Variants in PRAMEF10 observed in about 807,000 individuals in gnomAD.
PRAMEF10 encodes the protein PRAME family member 10.
In PRAMEF10, 4 loss-of-function variants were observed where a neutral mutation model predicts 27.7. The ratio of observed to expected loss-of-function variants is 0.14; its 90% CI spans 0.07 to 0.33. The LOEUF is 0.33. PRAMEF10 is among the 10% of genes least tolerant of loss of function. The probability of loss-of-function intolerance (pLI) is 1.00; values close to 1 mark genes in which losing one functional copy is unlikely to be tolerated. For missense variants in PRAMEF10, 99 were observed against 453.9 expected (o/e 0.22, Z 7.10); for synonymous variants, 46 against 176.0 (o/e 0.26, Z 5.85).
chr1:12,893,213 A>G lies in PRAMEF10; in HGVS notation c.1128T>C (p.Cys376=), dbSNP rs375424427. The change falls in exon 4 of 4, where the codon TGT becomes TGC. Residue 376 remains cysteine, a synonymous_variant. Coordinates refer to ENST00000235347, the MANE Select transcript of PRAMEF10 (RefSeq NM_001039361.4). ...GAAAGTTGAAGGTGGTGAGCTGGGA[A>G]CAGTGGCTCAGGGCAGGCAGGAGGA... ...LRVLLPALSH[C]SQLTTFNFHG... is the part of the protein sequence containing the mutation. 0.067 allele frequency: 100,957 copies of G among 1,502,916 alleles called. 407 individuals carry two copies. Among genetic ancestry groups the G allele is most frequent in the Middle Eastern group, 0.12 (469 of 3,992 alleles). The allele number at this position is 1,502,916 out of a possible 1,614,324, so 93.1% of individuals were successfully genotyped here.
chr1:12,894,014 C>G (rs1325511937), intron 3 of PRAMEF10, among the ~76,000 whole-genome samples: 1 of 147,282 alleles, frequency 6.8e-6, no homozygotes, highest in Non-Finnish European at 1.5e-5. Flanking sequence ...GCAGCCTCCA[C>G]TTCCCTTGCC....
chr1:12,897,853 TC>T (rs1027363542), intron 1 of PRAMEF10, among the ~76,000 whole-genome samples: 4 of 133,828 alleles, frequency 3.0e-5, no homozygotes, highest in African/African-American at 1.1e-4. Flanking sequence ...CGAGACTCCA[TC>T]CCCCCTTCAA....
At chr1:12,896,114 GCAATAAACT>G (rs1641205891) in intron 1 of PRAMEF10, among the ~76,000 whole-genome samples, 1 of 147,610 alleles carries the variant, frequency 6.8e-6, no homozygotes, top group Non-Finnish European at 1.5e-5. Context: ...AGCCACTGTT[GCAATAAACT>G]CATAGCACTG....
rs1192179674 is a variant in PRAMEF10 at position 12,893,395 on chromosome 1, A to G, written c.946T>C (p.Tyr316His). 4 of 1,606,116 alleles carry G rather than the reference A, an allele frequency of 2.5e-6. No individual in the cohort carries two copies. The highest frequency in any genetic ancestry group is 2.6e-6 in the Non-Finnish European group (3 of 1,175,740). ...TDRDMECLSQ[Y>H]PSLSQLKELR... The stretch of plus-strand genomic sequence containing the variant: ...TCCTTTAGCTGACTGAGGCTTGGGT[A>G]CTGAGACAGACACTCCATGTCCCGA... Residue 316 changes from tyrosine to histidine, a missense_variant, in exon 4 of 4, where the codon TAC (tyrosine) becomes CAC (histidine). Physicochemically the swap from Tyr to His is moderately conservative, Grantham distance 83 (BLOSUM62 2). Coordinates refer to ENST00000235347, the MANE Select transcript of PRAMEF10 (RefSeq NM_001039361.4).
chr1:12,893,274 AAG>A lies in PRAMEF10; in HGVS notation c.1065_1066del (p.Leu356LysfsTer32). Reference sequence around the variant, plus strand: ...GGGGTCCTGGATCCGACAGTCCTTTAAGACGAGGGTCTTGAGAGTAGCAGCAA... The same window carrying A: ...GGGGTCCTGGATCCGACAGTCCTTTAACGAGGGTCTTGAGAGTAGCAGCAA... On this transcript the variant is annotated frameshift_variant, in exon 4 of 4. Transcript: ENST00000235347. LOFTEE classifies it high-confidence loss of function. The A allele has an allele frequency of 6.2e-7, 1 of 1,611,580 alleles. No homozygotes were observed. Among genetic ancestry groups the A allele is most frequent in the Admixed American group, 1.7e-5 (1 of 59,908 alleles).
At chr1:12,893,745 T>C (rs1348772701) in intron 3 of PRAMEF10, among the ~76,000 whole-genome samples, 8 of 98,934 alleles carry the variant, frequency 8.1e-5, no homozygotes, top group African/African-American at 3.0e-4. Flanking sequence ...CTTTCACCCT[T>C]GCCTGTGTGA....
chr1:12,893,960 A>G (rs1249272653), intron 3 of PRAMEF10, among the ~76,000 whole-genome samples: 1 of 134,914 alleles, frequency 7.4e-6, no homozygotes, highest in African/African-American at 2.8e-5. Flanking sequence ...ACAGTCTCAC[A>G]TTGTAACCTA....
chr1:12,896,110 T>A (rs1641205780), intron 1 of PRAMEF10, among the ~76,000 whole-genome samples: 1 of 147,828 alleles, frequency 6.8e-6, no homozygotes, highest in Non-Finnish European at 1.5e-5. Flanking sequence ...TATTAGCCAC[T>A]GTTGCAATAA....
chr1:12,897,418 G>A (rs1379575822), intron 1 of PRAMEF10, among the ~76,000 whole-genome samples: 1 of 150,006 alleles, frequency 6.7e-6, no homozygotes, highest in Non-Finnish European at 1.5e-5. Flanking sequence ...TCGCAATGTT[G>A]CCCAGGCTGG....
intron 1 of PRAMEF10, among the ~76,000 whole-genome samples, chr1:12,896,108 A>G (rs1425893843): frequency 2.0e-5 from 3 of 147,702 alleles, no homozygotes; most frequent in African/African-American, 7.5e-5. Flanking sequence ...ATTATTAGCC[A>G]CTGTTGCAAT....
Position 12,893,029 on chromosome 1 carries a change from T to A in PRAMEF10, c.1312A>T (p.Met438Leu), listed in dbSNP as rs1345728776. The change falls in exon 4 of 4, where the codon ATG (methionine) becomes TTG (leucine). Residue 438 changes from methionine to leucine, a missense_variant. Met to Leu is a conservative substitution (Grantham distance 15). Transcript: ENST00000235347. ...TGCCTGACTTCCCTGAGTGTACGCA[T>A]CAGCTCAGCCCGAATTGGGGTGAGG... is the stretch of plus-strand genomic sequence containing the variant. ...EILTPIRAELMRTLREVRQPK... is the reference protein window; with the variant it reads ...EILTPIRAELLRTLREVRQPK... 6.3e-7 allele frequency: 1 copy of A among 1,595,558 alleles called. No individual in the cohort carries two copies. Among genetic ancestry groups the A allele is most frequent in the Non-Finnish European group, 8.6e-7 (1 of 1,168,802 alleles).
chr1:12,896,263 T>A (rs1013168720), intron 1 of PRAMEF10, among the ~76,000 whole-genome samples: 3 of 149,178 alleles, frequency 2.0e-5, no homozygotes, highest in African/African-American at 7.4e-5. Context: ...GACTCAAACA[T>A]TCCACCCGCC....
At chr1:12,894,069 C>A (rs1467473467) in intron 3 of PRAMEF10, among the ~76,000 whole-genome samples, 1 of 150,216 alleles carries the variant, frequency 6.7e-6, no homozygotes, top group Admixed American at 6.7e-5. Context: ...GTCTGCATGC[C>A]CGGTGACATT....
In PRAMEF10 at chr1:12,893,201, G is replaced by A. The variant is rs572950728; in HGVS notation, c.1140C>T (p.Thr380=). The stretch of plus-strand genomic sequence containing the variant: ...TCTCATTTCCATGAAAGTTGAAGGT[G>A]GTGAGCTGGGAACAGTGGCTCAGGG... ...LPALSHCSQL[T]TFNFHGNETS... The change falls in exon 4 of 4, where the codon ACC becomes ACT. Residue 380 remains threonine, a synonymous_variant. Coordinates refer to ENST00000235347, the MANE Select transcript of PRAMEF10 (RefSeq NM_001039361.4). The A allele has an allele frequency of 3.4e-4, 546 of 1,603,194 alleles. No homozygotes were observed. In the East Asian group the frequency reaches 0.011, roughly 33 times the overall value.
Position 12,894,982 on chromosome 1 carries a change from T to C in PRAMEF10, c.470A>G (p.Glu157Gly). The C allele has an allele frequency of 6.2e-7, 1 of 1,608,286 alleles. No homozygotes were observed. The highest frequency in any genetic ancestry group is 1.1e-5 in the South Asian group (1 of 90,832). ...GCTCAGGCATTCATCCAGTGTACTT[T>C]CCTTTAGGCAGAGGTCTATGAACAC... ...LKVFIDLCLK[E>G]STLDECLSYL... Residue 157 changes from glutamate to glycine, a missense_variant, in exon 3 of 4, where the codon GAA becomes GGA. Glu to Gly is a moderately conservative substitution (Grantham distance 98). Transcript: ENST00000235347.
intron 1 of PRAMEF10, among the ~76,000 whole-genome samples, chr1:12,897,784 G>A (rs141227503): frequency 0.065 from 9,654 of 149,586 alleles, 924 homozygotes; most frequent in South Asian, 0.15. Flanking sequence ...TTGAGCCTGG[G>A]AGGCAGAAGT....
At position 12,897,425 on chromosome 1, in the gene PRAMEF10, C is replaced by T. The variant is rs374055573; in HGVS notation, c.-26+791G>A. ...ATAGGGCCTCGCAATGTTGCCCAGG[C>T]TGGAGTACAGCAGTGGTATGAGCAT... On this transcript the variant is annotated intron_variant, in intron 1 of 3. Transcript: ENST00000235347. Among the ~76,000 whole-genome samples the T allele has an allele frequency of 4.1e-4, 61 of 150,254 alleles. 3 individuals are homozygous for T. The East Asian group carries it at 9.2e-3, about 23-fold the overall frequency.
In PRAMEF10 at chr1:12,893,401, A is replaced by G. The variant is rs199547383; in HGVS notation, c.940T>C (p.Ser314Pro). 1,103 of 1,597,782 alleles carry G rather than the reference A, an allele frequency of 6.9e-4. 18 individuals carry two copies. The highest frequency in any genetic ancestry group is 5.9e-3 in the East Asian group (248 of 42,300). ...YLTDRDMECL[S>P]QYPSLSQLKE... ...AGCTGACTGAGGCTTGGGTACTGAG[A>G]CAGACACTCCATGTCCCGATCAGTT... The change falls in exon 4 of 4, where the codon TCT becomes CCT. Residue 314 changes from serine (S) to proline (P), a missense_variant. Transcript: ENST00000235347.
At chr1:12,896,060 A>G (rs536312081) in intron 1 of PRAMEF10, among the ~76,000 whole-genome samples, 188 bp from the exon 2 acceptor site, 3 of 146,990 alleles carry the variant, frequency 2.0e-5, no homozygotes, top group East Asian at 4.1e-4. Context: ...GTGTGTCCCA[A>G]CCTCTAAAGA....
Sources: allele counts gnomAD v4.1 joint callset (sites outside exome capture counted in the v4.1 genomes callset), GRCh38; gene constraint gnomAD v4.1.1; transcripts MANE v1.5; gene names NCBI Gene and HGNC (gene_info 2026-07-23, HGNC 2026-07-21).